Variants in PIGF observed in about 807,000 individuals in gnomAD.
The protein encoded by PIGF is phosphatidylinositol glycan anchor biosynthesis class F, also known as GPI ethanolamine phosphate transferase, stabilizing subunit.
PIGF carries 23 observed loss-of-function variants against 26.0 expected under a neutral mutation model. The observed-to-expected ratio is 0.88, with a 90% CI of 0.64 to 1.25. PIGF has a LOEUF of 1.25. PIGF is among the 50% of genes most tolerant of loss of function. PIGF has a pLI of 0.00. For missense variants in PIGF, 278 were observed against 249.9 expected, an observed-to-expected ratio of 1.11 and a Z score of -0.76; for synonymous variants, 93 against 92.6, an observed-to-expected ratio of 1.00 and a Z score of -0.03.
intron 5 of PIGF, among the ~76,000 whole-genome samples, chr2:46,587,781 G>A (rs754203604): frequency 6.6e-6 from 1 of 151,960 alleles, no homozygotes; most frequent in Non-Finnish European, 1.5e-5. Context: ...AATAAATTAC[G>A]GCCTAAAATA....
intron 4 of PIGF, among the ~76,000 whole-genome samples, chr2:46,607,328 G>A (rs947274530): frequency 2.0e-5 from 3 of 151,998 alleles, no homozygotes; most frequent in African/African-American, 7.3e-5. Flanking sequence ...CTTTACCAAG[G>A]AAACCTTTTC....
At chr2:46,599,066 G>T (rs1669977405) in intron 4 of PIGF, among the ~76,000 whole-genome samples, 1 of 152,282 alleles carries the variant, frequency 6.6e-6, no homozygotes, top group Admixed American at 6.5e-5. Context: ...GGGCCAACCA[G>T]GGGAAAGGGG....
At chr2:46,584,232 G>C (rs559393190) in intron 5 of PIGF, among the ~76,000 whole-genome samples, 2 of 152,086 alleles carry the variant, frequency 1.3e-5, no homozygotes, top group African/African-American at 4.8e-5. Context: ...TACTATCTAC[G>C]TAAAGCACTG....
intron 5 of PIGF, among the ~76,000 whole-genome samples, chr2:46,587,355 T>A (rs1669609261): frequency 6.6e-6 from 1 of 152,078 alleles, no homozygotes; most frequent in South Asian, 2.1e-4. Context: ...TTTCAACTTA[T>A]GAAAGAATTA....
intron 4 of PIGF, among the ~76,000 whole-genome samples, chr2:46,604,205 C>T (rs1670146438): frequency 6.6e-6 from 1 of 152,070 alleles, no homozygotes; most frequent in Admixed American, 6.5e-5. Flanking sequence ...ATCCAAAAGG[C>T]AGGCAATAAC....
chr2:46,612,280 A>C lies in PIGF; in HGVS notation c.385T>G (p.Cys129Gly), dbSNP rs1670444695. ...GCTTTGAGGTTTGGTCCTAACAAAC[A>C]TAAGCAAGGCACAGTAGTAAAAGTA... Reference protein sequence around the residue: ...LSTFTTVPCLCLLGPNLKAWL... With the variant: ...LSTFTTVPCLGLLGPNLKAWL... The change falls in exon 4 of 6, where the codon TGT (cysteine) becomes GGT (glycine). Residue 129 changes from cysteine to glycine, a missense_variant. Coordinates refer to ENST00000281382, the MANE Select transcript of PIGF (RefSeq NM_002643.4). 1 of 1,492,976 alleles carries C rather than the reference A, an allele frequency of 6.7e-7. No homozygotes were observed. Among genetic ancestry groups the C allele is most frequent in the African/African-American group, 1.4e-5 (1 of 69,970 alleles). 92.5% of individuals were successfully genotyped at this position (1,492,976 alleles called of 1,614,324 possible). A position where few individuals can be genotyped will look rare whatever the true frequency, so the allele number is the denominator to read the frequency against.
chr2:46,607,267 G>A (rs758326725), intron 4 of PIGF, among the ~76,000 whole-genome samples: 17 of 152,160 alleles, frequency 1.1e-4, no homozygotes, highest in Non-Finnish European at 2.4e-4. Context: ...TCATCACTTC[G>A]CAATAACTCA....
Position 46,615,157 on chromosome 2 carries a change from T to C in PIGF, c.8A>G (p.Asp3Gly), listed in dbSNP as rs756733643. 8 of 1,469,422 alleles carry C rather than the reference T, an allele frequency of 5.4e-6. No homozygotes were observed. Among genetic ancestry groups the C allele is most frequent in the Non-Finnish European group, 7.6e-6 (8 of 1,051,078 alleles). The allele number at this position is 1,469,422 out of a possible 1,614,324, so 91.0% of individuals were successfully genotyped here. A position where few individuals can be genotyped will look rare whatever the true frequency, so the allele number is the denominator to read the frequency against. ...ATACAGTAGTCTCTTGATATCGTTA[T>C]CTTTCATGGTGTTTTCTTGGATGGC... MK[D>G]NDIKRLLYTH... The change falls in exon 2 of 6, where the codon GAT becomes GGT. Residue 3 changes from aspartate (D) to glycine (G), a missense_variant. Transcript: ENST00000281382.
In PIGF at chr2:46,589,158, C is replaced by T. The variant is rs1669659906; in HGVS notation, c.546+3317G>A. Among the ~76,000 whole-genome samples, 2 of 151,984 alleles carry T rather than the reference C, an allele frequency of 1.3e-5. No individual in the cohort carries two copies. Among genetic ancestry groups the T allele is most frequent in the South Asian group, 2.1e-4 (1 of 4,828 alleles). ...ACAGTATAATGGGTAGCTACCCTAC[C>T]ATATTCTCTTTAACCATATCCCCTT... On this transcript the variant is annotated intron_variant, in intron 5 of 5. Coordinates refer to ENST00000281382, the MANE Select transcript of PIGF (RefSeq NM_002643.4). This position sits in a 1 kb window ranked among gnomAD's most constrained non-coding sequence, Gnocchi z 4.7.
At chr2:46,591,614 G>C in intron 5 of PIGF, 1 of 942,800 alleles carries the variant, frequency 1.1e-6, no homozygotes, top group Non-Finnish European at 1.3e-6. Flanking sequence ...CAAAATACTG[G>C]CAATAATCTA....
intron 4 of PIGF, among the ~76,000 whole-genome samples, chr2:46,605,091 G>C (rs553061488): frequency 5.3e-5 from 8 of 152,054 alleles, no homozygotes; most frequent in Non-Finnish European, 7.4e-5. Flanking sequence ...AATTCTTTGT[G>C]AATATTTATA....
At position 46,581,598 on chromosome 2, in the gene PIGF, A is replaced by G. The variant is rs1572762388; in HGVS notation, c.547-7T>C. ...TACAGGAGATGGGCCATACCTGAGG[A>G]GAGAATGTATGAGATCAAAAAAGAA... On this transcript the variant is annotated splice_region_variant and splice_polypyrimidine_tract_variant and intron_variant, in intron 5 of 5. Coordinates refer to ENST00000281382, the MANE Select transcript of PIGF (RefSeq NM_002643.4). 1 of 1,610,574 alleles carries G rather than the reference A, an allele frequency of 6.2e-7. No homozygotes were observed. Among genetic ancestry groups the G allele is most frequent in the Non-Finnish European group, 8.5e-7 (1 of 1,179,076 alleles).
At chr2:46,594,566 G>A (rs992152468) in intron 4 of PIGF, among the ~76,000 whole-genome samples, 66 of 149,628 alleles carry the variant, frequency 4.4e-4, no homozygotes, top group East Asian at 2.1e-3. Context: ...ACGGAGTTTC[G>A]CTGTTGTTGC....
At position 46,597,052 on chromosome 2, in the gene PIGF, T is replaced by C. The variant is rs528556672; in HGVS notation, c.438-4469A>G. ...AAAGAAGCTAAGTAGTACCTCTAAA[T>C]GCTTGATTTCTTCTCCCCGCTCCTT... On this transcript the variant is annotated intron_variant, in intron 4 of 5. Coordinates refer to ENST00000281382, the MANE Select transcript of PIGF (RefSeq NM_002643.4). Among the ~76,000 whole-genome samples the C allele has an allele frequency of 7.0e-4, 107 of 152,314 alleles. 1 individual carries two copies. Among genetic ancestry groups the C allele is most frequent in the African/African-American group, 2.4e-3 (101 of 41,570 alleles).
intron 4 of PIGF, among the ~76,000 whole-genome samples, chr2:46,603,707 C>G (rs1178843166): frequency 6.6e-6 from 1 of 152,066 alleles, no homozygotes; most frequent in East Asian, 1.9e-4. Flanking sequence ...AAAATCAAAC[C>G]AAGATGGATT....
At chr2:46,594,228 C>T (rs1007328981) in intron 4 of PIGF, among the ~76,000 whole-genome samples, 1 of 152,174 alleles carries the variant, frequency 6.6e-6, no homozygotes, top group African/African-American at 2.4e-5. Flanking sequence ...ATGTGGCTGA[C>T]AATGATGACT....
At chr2:46,613,430 T>C (rs374962925) in intron 3 of PIGF, among the ~76,000 whole-genome samples, 1 of 152,156 alleles carries the variant, frequency 6.6e-6, no homozygotes, top group African/African-American at 2.4e-5. Context: ...GGCCAAATAC[T>C]TATTGGTATA....
intron 4 of PIGF, among the ~76,000 whole-genome samples, chr2:46,605,617 T>C (rs1260915289): frequency 6.6e-6 from 1 of 152,174 alleles, no homozygotes; most frequent in African/African-American, 2.4e-5. Context: ...ATTACATATG[T>C]GAAGTTAAGT....
chr2:46,591,231 A>G (rs1669714076), intron 5 of PIGF, among the ~76,000 whole-genome samples: 1 of 152,204 alleles, frequency 6.6e-6, no homozygotes, highest in Non-Finnish European at 1.5e-5. Flanking sequence ...TTTCATTGAC[A>G]TAGAATGAGC....
Sources: gnomAD v4.1 joint callset for allele counts (sites outside exome capture counted in the v4.1 genomes callset) on GRCh38, gnomAD v4.1.1 for gene constraint, Gnocchi (gnomAD v3.1) non-coding constraint, MANE v1.5 for transcripts, NCBI Gene and HGNC (gene_info 2026-07-23, HGNC 2026-07-21) for gene names.